JMY: variants seen among roughly 807,000 people sequenced by gnomAD.
JMY encodes junction-mediating and -regulatory protein.
A neutral mutation model predicts 103.3 loss-of-function variants in JMY; 46 were observed. The observed-to-expected ratio is 0.45, with a 90% CI of 0.35 to 0.57. The LOEUF (loss-of-function observed/expected upper bound fraction) is 0.57. Ranked by LOEUF, JMY falls within the 20% of genes least tolerant of loss-of-function variation. JMY has a pLI of 0.00. For missense variants in JMY, 1,238 were observed against 1,255.2 expected (o/e 0.99, Z 0.21); for synonymous variants, 526 against 489.3 (o/e 1.07, Z -0.99).
At chr5:79,271,730 CTT>C (rs1194772058) in intron 1 of JMY, among the ~76,000 whole-genome samples, 4 of 152,304 alleles carry the variant, frequency 2.6e-5, no homozygotes, top group East Asian at 1.9e-4. Flanking sequence ...TCCATTATAA[CTT>C]AATGTACTTT....
chr5:79,247,423 C>T (rs1744936107), intron 1 of JMY, among the ~76,000 whole-genome samples: 1 of 152,082 alleles, frequency 6.6e-6, no homozygotes, highest in South Asian at 2.1e-4. Flanking sequence ...CCACTTCAAC[C>T]TTGTAGTCTC....
intron 1 of JMY, among the ~76,000 whole-genome samples, chr5:79,258,615 G>T (rs779993205): frequency 6.6e-6 from 1 of 152,098 alleles, no homozygotes; most frequent in Non-Finnish European, 1.5e-5. Context: ...GTGGTGGGGC[G>T]GGCAGCTCCA....
Position 79,236,787 on chromosome 5 carries a change from G to A in JMY, c.137G>A (p.Cys46Tyr). 2 of 1,511,202 alleles carry A rather than the reference G, an allele frequency of 1.3e-6. No individual in the cohort carries two copies. Among genetic ancestry groups the A allele is most frequent in the South Asian group, 1.3e-5 (1 of 79,782 alleles). 93.6% of individuals were successfully genotyped at this position (1,511,202 alleles called of 1,614,324 possible). ...NEIEGKFAIT[C>Y]HNRTAQRQRS... ...ATTGAGGGCAAGTTTGCCATAACCT[G>A]CCACAACCGGACGGCCCAGAGGCAG... Residue 46 changes from cysteine to tyrosine, a missense_variant, in exon 1 of 11, where the codon TGC (cysteine) becomes TAC (tyrosine). Cys to Tyr is a radical substitution (Grantham distance 194). Transcript: ENST00000396137.
At chr5:79,238,494 T>A (rs879446300) in intron 1 of JMY, among the ~76,000 whole-genome samples, 2 of 152,174 alleles carry the variant, frequency 1.3e-5, no homozygotes, top group South Asian at 2.1e-4. Context: ...CTCACTAGCT[T>A]CTGCTGAAGG....
intron 1 of JMY, among the ~76,000 whole-genome samples, chr5:79,241,318 A>T (rs1359472815): frequency 1.3e-5 from 2 of 152,240 alleles, no homozygotes; most frequent in Non-Finnish European, 2.9e-5. Flanking sequence ...TGGATAAAGG[A>T]AACTAGAGAA....
chr5:79,279,226 C>T (rs940960450), intron 2 of JMY, among the ~76,000 whole-genome samples: 5 of 151,930 alleles, frequency 3.3e-5, no homozygotes, highest in Admixed American at 1.3e-4. Flanking sequence ...CCCAGCTACT[C>T]GAAGGGCTGA....
chr5:79,318,672 T>C (rs1003308031), intron 10 of JMY, among the ~76,000 whole-genome samples: 2 of 152,188 alleles, frequency 1.3e-5, no homozygotes, highest in East Asian at 1.9e-4. Flanking sequence ...GTATGACTTA[T>C]GTTTTTGGAT....
chr5:79,310,997 A>T (rs1057000393), intron 7 of JMY, among the ~76,000 whole-genome samples: 1 of 152,132 alleles, frequency 6.6e-6, no homozygotes, highest in African/African-American at 2.4e-5. Context: ...ATGGTGGCGT[A>T]TGCTTGTCTT....
intron 1 of JMY, among the ~76,000 whole-genome samples, chr5:79,270,522 T>TATATATTTACATAAATATTTAAA (rs1745734286): frequency 1.1e-5 from 1 of 88,360 alleles, no homozygotes; most frequent in African/African-American, 3.6e-5. Context: ...ATATTTAAAA[T>TATATATTTACATAAATATTTAAA]ATATATTTAC....
chr5:79,261,397 TAATC>T (rs1422944705), intron 1 of JMY, among the ~76,000 whole-genome samples: 4 of 151,878 alleles, frequency 2.6e-5, no homozygotes, highest in Non-Finnish European at 4.4e-5. Flanking sequence ...ATAATAATAA[TAATC>T]AAAAAATTAG....
chr5:79,313,156 T>C (rs1484702865), intron 8 of JMY, among the ~76,000 whole-genome samples: 1 of 152,098 alleles, frequency 6.6e-6, no homozygotes, highest in Non-Finnish European at 1.5e-5. Flanking sequence ...ATTAAGTAAA[T>C]GTGGCTCACG....
chr5:79,311,299 T>A (rs1199119445), intron 7 of JMY, among the ~76,000 whole-genome samples: 1 of 152,100 alleles, frequency 6.6e-6, no homozygotes, highest in East Asian at 1.9e-4. Context: ...TTTTCCAGTT[T>A]CCTGTTGTCT....
intron 2 of JMY, among the ~76,000 whole-genome samples, chr5:79,281,415 A>G (rs1746110899): frequency 2.7e-5 from 4 of 148,338 alleles, no homozygotes; most frequent in Admixed American, 1.4e-4. Context: ...CTGGAGCACA[A>G]TCACACATCT....
intron 2 of JMY, chr5:79,284,060 TA>T (rs1746198808): frequency 2.0e-6 from 2 of 1,020,652 alleles, no homozygotes; most frequent in African/African-American, 1.7e-5. Flanking sequence ...TTCTTTTTTT[TA>T]TTTTTTTATT....
intron 1 of JMY, among the ~76,000 whole-genome samples, chr5:79,244,620 C>T (rs1179797040): frequency 1.3e-5 from 2 of 150,536 alleles, no homozygotes; most frequent in Non-Finnish European, 1.5e-5. Context: ...AAGATGAGCC[C>T]TCTGTTGCTC....
At position 79,270,545 on chromosome 5, in the gene JMY, A is replaced by AT. The variant is rs1745737144; in HGVS notation, c.1033-7365_1033-7364insT. Among the ~76,000 whole-genome samples the AT allele has an allele frequency of 1.6e-5, 2 of 128,052 alleles. 1 individual carries two copies. The allele number at this position is 128,052 out of a possible 152,430, so 84.0% of individuals were successfully genotyped here. ...AATATATATTTACATAAATATTTAA[A>AT]ATGTATATTTACATAAATATTTAAA... On this transcript the variant is annotated intron_variant, in intron 1 of 10. Transcript: ENST00000396137.
intron 1 of JMY, among the ~76,000 whole-genome samples, chr5:79,243,142 GCTC>G (rs951070210): frequency 1.3e-5 from 2 of 152,118 alleles, no homozygotes; most frequent in African/African-American, 4.8e-5. Context: ...CTGGAAAACA[GCTC>G]CTGACTTCTG....
intron 1 of JMY, among the ~76,000 whole-genome samples, chr5:79,249,514 T>C (rs1745010993): frequency 6.6e-6 from 1 of 152,238 alleles, no homozygotes; most frequent in Non-Finnish European, 1.5e-5. Flanking sequence ...CAGGTTTTAC[T>C]CTGCATTGAG....
chr5:79,303,910 ATAGCAAAGGAAACTG>A (rs1379816852), intron 6 of JMY, among the ~76,000 whole-genome samples: 1 of 152,030 alleles, frequency 6.6e-6, no homozygotes, highest in East Asian at 1.9e-4. Context: ...GACTGACGGA[ATAGCAAAGGAAACTG>A]TACAGGTGAG....
Sources: allele counts gnomAD v4.1 joint callset (sites outside exome capture counted in the v4.1 genomes callset), GRCh38; gene constraint gnomAD v4.1.1; transcripts MANE v1.5; gene names NCBI Gene and HGNC (gene_info 2026-07-23, HGNC 2026-07-21).